CHRNB4: variants seen among roughly 807,000 people sequenced by gnomAD.
CHRNB4 encodes the protein cholinergic receptor nicotinic beta 4 subunit, also known as neuronal acetylcholine receptor subunit beta-4.
In CHRNB4, 23 loss-of-function variants were observed where a neutral mutation model predicts 40.4. That is an observed-to-expected ratio of 0.57 (90% CI 0.41 to 0.81). The LOEUF (loss-of-function observed/expected upper bound fraction) is 0.81. Ranked by LOEUF, CHRNB4 falls within the 30% of genes least tolerant of loss-of-function variation. The pLI, the probability that CHRNB4 is intolerant of heterozygous loss-of-function variation, is 0.00. For missense variants in CHRNB4, 568 were observed against 670.6 expected, an observed-to-expected ratio of 0.85 and a Z score of 1.69; for synonymous variants, 285 against 274.4, an observed-to-expected ratio of 1.04 and a Z score of -0.38.
upstream of CHRNB4, chr15:78,661,185 A>G: frequency 1.6e-6 from 1 of 615,186 alleles, no homozygotes; most frequent in South Asian, 1.4e-5. Flanking sequence ...CCTTGAGAGA[A>G]CCAAAGAGCG....
intron 4 of CHRNB4, 57 bp downstream of exon 4, chr15:78,631,019 C>T: frequency 7.2e-7 from 1 of 1,390,234 alleles, no homozygotes; most frequent in South Asian, 1.2e-5. Context: ...ACTCTTAGGG[C>T]TGGGCCTGCT....
At chr15:78,638,176 C>G (rs2053994367) in intron 1 of CHRNB4, among the ~76,000 whole-genome samples, 1 of 152,204 alleles carries the variant, frequency 6.6e-6, no homozygotes, top group Non-Finnish European at 1.5e-5. Context: ...ACAGGGCTCC[C>G]AAGCGCAGGG....
At chr15:78,641,273 A>G (rs2054070425), upstream of CHRNB4, 1 of 623,504 alleles carries the variant, frequency 1.6e-6, no homozygotes, top group South Asian at 2.7e-5. Context: ...CCCCGCGGAG[A>G]GCCCCGCCGA....
Position 78,648,453 on chromosome 15 carries a change from T to C in CHRNB4, c.46+926A>G, listed in dbSNP as rs12915539. ...GGGTGAATCTGTTCCTTCTGCTGCATAAGAATATATTCTTATTGTTGGCTG... is the reference window on the plus strand; with the variant it reads ...GGGTGAATCTGTTCCTTCTGCTGCACAAGAATATATTCTTATTGTTGGCTG... On this transcript the variant is annotated intron_variant and NMD_transcript_variant, in intron 7 of 11. Transcript: ENST00000559849. Among the ~76,000 whole-genome samples, 194 of 148,658 alleles carry C rather than the reference T, an allele frequency of 1.3e-3. 1 individual carries two copies. The highest frequency in any genetic ancestry group is 4.6e-3 in the African/African-American group (185 of 40,276).
At position 78,641,061 on chromosome 15, in the gene CHRNB4, T is replaced by C. The variant is rs1349060769; in HGVS notation, c.55+18A>G. 1.9e-6 allele frequency: 3 copies of C among 1,565,994 alleles called. No homozygotes were observed. On this transcript the variant is annotated intron_variant, in intron 1 of 5. Coordinates refer to ENST00000261751, the MANE Select transcript of CHRNB4 (RefSeq NM_000750.5). ...CCCAACCCAGGCGCCCCTCCCTCCT[T>C]CCCCGAAAAGAACTCACCGCGCCCG...
At chr15:78,643,341 C>G (rs989233170), upstream of CHRNB4, among the ~76,000 whole-genome samples, 1 of 152,094 alleles carries the variant, frequency 6.6e-6, no homozygotes, top group Non-Finnish European at 1.5e-5. Flanking sequence ...CCTTCACCTC[C>G]CAGGCCCAAG....
intron 5 of CHRNB4, among the ~76,000 whole-genome samples, chr15:78,655,115 G>C (rs577095259): frequency 6.6e-6 from 1 of 152,048 alleles, no homozygotes; most frequent in African/African-American, 2.4e-5. Flanking sequence ...GTCATCCACC[G>C]CTCCCTCCAA....
upstream of CHRNB4, chr15:78,661,152 G>T: frequency 1.6e-6 from 1 of 622,708 alleles, no homozygotes. Context: ...GGGCCTTGCC[G>T]AAATGCCGGT....
At chr15:78,651,730 G>A (rs1219516460) in intron 6 of CHRNB4, among the ~76,000 whole-genome samples, 1 of 152,214 alleles carries the variant, frequency 6.6e-6, no homozygotes, top group Non-Finnish European at 1.5e-5. Context: ...CCATCAAGGA[G>A]GGTGTAAGCG....
At chr15:78,653,943 G>A (rs1042305257) in intron 5 of CHRNB4, among the ~76,000 whole-genome samples, 1 of 152,152 alleles carries the variant, frequency 6.6e-6, no homozygotes, top group African/African-American at 2.4e-5. Context: ...CAGCACCATG[G>A]AAGGGATGGG....
At position 78,629,910 on chromosome 15, in the gene CHRNB4, T is replaced by C; in HGVS notation, c.395A>G (p.Asn132Ser). 2 of 1,608,552 alleles carry C rather than the reference T, an allele frequency of 1.2e-6. No individual in the cohort carries two copies. Among genetic ancestry groups the C allele is most frequent in the South Asian group, 1.1e-5 (1 of 90,696 alleles). Reference protein sequence around the residue: ...DGTYEVSVYTNLIVRSNGSVL... With the variant: ...DGTYEVSVYTSLIVRSNGSVL... Reference sequence around the variant, plus strand: ...GCTGCCGTTGGACCGGACTATCAAGTTGGTGTAGACAGACACCTCATAGGT... The same window carrying C: ...GCTGCCGTTGGACCGGACTATCAAGCTGGTGTAGACAGACACCTCATAGGT... Residue 132 changes from asparagine (N) to serine (S), a missense_variant, in exon 5 of 6, where the codon AAC becomes AGC. By Grantham distance (46) the Asn-to-Ser change is conservative. Coordinates refer to ENST00000261751, the MANE Select transcript of CHRNB4 (RefSeq NM_000750.5). This position sits in a 1 kb window ranked among gnomAD's most constrained non-coding sequence, Gnocchi z 6.8.
chr15:78,649,510 A>C, intron 6 of CHRNB4: 1 of 411,216 alleles, frequency 2.4e-6, no homozygotes, highest in South Asian at 1.8e-5. Context: ...TGCAAAGCAA[A>C]GACTGCAACA....
intron 6 of CHRNB4, among the ~76,000 whole-genome samples, chr15:78,651,927 G>A (rs2054175742): frequency 1.3e-5 from 2 of 152,208 alleles, no homozygotes; most frequent in Non-Finnish European, 2.9e-5. Flanking sequence ...GCAGGGTCTT[G>A]GATCCTCATC....
Position 78,625,381 on chromosome 15 carries a change from T to TCCACAGG in CHRNB4, c.1339-97_1339-91dup. ...AGGCCCTTACTCTCTGGCCAGGGAC[T>TCCACAGG]CCACAGGCCACAGGCGTGGAACTGC... On this transcript the variant is annotated intron_variant, in intron 5 of 5. Transcript: ENST00000261751. The TCCACAGG allele has an allele frequency of 3.2e-6, 4 of 1,256,658 alleles. No homozygotes were observed. The East Asian group carries it at 9.4e-5, about 30-fold the overall frequency. 77.8% of individuals were successfully genotyped at this position (1,256,658 alleles called of 1,614,324 possible).
intron 1 of CHRNB4, among the ~76,000 whole-genome samples, chr15:78,659,864 G>C (rs1461235861): frequency 6.6e-6 from 1 of 152,302 alleles, no homozygotes; most frequent in East Asian, 1.9e-4. Flanking sequence ...AAGAGTCTAG[G>C]GGTTCAATGT....
intron 3 of CHRNB4, chr15:78,656,836 GGAAAA>G (rs1195039958): frequency 1.3e-5 from 2 of 152,118 alleles, no homozygotes; most frequent in African/African-American, 4.8e-5. Context: ...TCCTGCAGTG[GGAAAA>G]GATCGAAGGC....
chr15:78,649,164 G>A (rs2054151165), intron 7 of CHRNB4, among the ~76,000 whole-genome samples: 1 of 152,120 alleles, frequency 6.6e-6, no homozygotes, highest in Non-Finnish European at 1.5e-5. Flanking sequence ...TGCTGGGGAT[G>A]TAAACTGGGG....
At chr15:78,637,648 T>C (rs550564820) in intron 1 of CHRNB4, among the ~76,000 whole-genome samples, 9 of 152,168 alleles carry the variant, frequency 5.9e-5, no homozygotes, top group Non-Finnish European at 1.2e-4. Flanking sequence ...CCAACCCAAT[T>C]AGGCAGGCCT....
chr15:78,628,824 C>A, intron 5 of CHRNB4, 143 bp downstream of exon 5: 1 of 1,083,434 alleles, frequency 9.2e-7, no homozygotes, highest in Non-Finnish European at 1.3e-6. Flanking sequence ...ATATTTAACA[C>A]AAACTCATTT....
Sources: gnomAD v4.1 joint callset for allele counts (sites outside exome capture counted in the v4.1 genomes callset) on GRCh38, gnomAD v4.1.1 for gene constraint, Gnocchi (gnomAD v3.1) non-coding constraint, MANE v1.5 for transcripts, NCBI Gene and HGNC (gene_info 2026-07-23, HGNC 2026-07-21) for gene names.